The following SLC44A3 variants were observed in gnomAD, a reference collection of about 807,000 sequenced individuals.
SLC44A3 encodes the protein choline transporter-like protein 3.
SLC44A3 carries 74 observed loss-of-function variants against 75.4 expected under a neutral mutation model. That is an observed-to-expected ratio of 0.98 (90% CI 0.81 to 1.19). SLC44A3 has a LOEUF of 1.19. Ranked by LOEUF, SLC44A3 falls within the 50% of genes most tolerant of loss-of-function variation. SLC44A3 has a pLI of 0.00. For missense variants in SLC44A3, 700 were observed against 778.6 expected (o/e 0.90, Z 1.20); for synonymous variants, 310 against 296.9 (o/e 1.04, Z -0.45).
chr1:94,866,590 T>TC (rs956671535), intron 11 of SLC44A3, among the ~76,000 whole-genome samples: 7 of 152,168 alleles, frequency 4.6e-5, no homozygotes, highest in Non-Finnish European at 1.0e-4. Flanking sequence ...CTGAAAAGTG[T>TC]CCAGATCAAG....
chr1:94,881,323 A>G (rs563271367), intron 12 of SLC44A3, among the ~76,000 whole-genome samples: 2 of 152,290 alleles, frequency 1.3e-5, no homozygotes, highest in East Asian at 3.9e-4. Flanking sequence ...ACACATGAAA[A>G]ACATGAATGT....
rs1557796354 is a variant in SLC44A3, at chr1:94,824,590, C to T, written c.233C>T (p.Pro78Leu). Reference protein sequence around the residue: ...FGNMCGKKNSPVEGAPLSGQD... With the variant: ...FGNMCGKKNSLVEGAPLSGQD... ...AACATGTGTGGCAAGAAGAACTCCC[C>T]CGTGGAAGGGGCCCCTCTTTCAGGG... Residue 78 changes from proline to leucine, a missense_variant, in exon 3 of 15, where the codon CCC becomes CTC. Physicochemically the swap from Pro to Leu is moderately conservative, Grantham distance 98. Coordinates refer to ENST00000271227, the MANE Select transcript of SLC44A3 (RefSeq NM_001114106.3). 6.2e-7 allele frequency: 1 copy of T among 1,609,958 alleles called. No homozygotes were observed. Among genetic ancestry groups the T allele is most frequent in the East Asian group, 2.2e-5 (1 of 44,564 alleles).
intron 5 of SLC44A3, among the ~76,000 whole-genome samples, chr1:94,834,859 C>T (rs1662572528): frequency 6.6e-6 from 1 of 152,164 alleles, no homozygotes; most frequent in Admixed American, 6.5e-5. Context: ...GGCTTAGTGA[C>T]TCATTTCCAA....
At chr1:94,830,323 C>T (rs1182126919) in intron 5 of SLC44A3, among the ~76,000 whole-genome samples, 2 of 152,188 alleles carry the variant, frequency 1.3e-5, no homozygotes, top group African/African-American at 2.4e-5. Context: ...AGCAATTCTC[C>T]TGCCTCAGCC....
chr1:94,846,226 C>T (rs565441215), intron 9 of SLC44A3, among the ~76,000 whole-genome samples: 1 of 152,016 alleles, frequency 6.6e-6, no homozygotes. Context: ...TGCCTTGGTC[C>T]TGAAAAGACA....
chr1:94,839,850 C>A, intron 6 of SLC44A3, 98 bp from the exon 7 acceptor site: 1 of 822,460 alleles, frequency 1.2e-6, no homozygotes, highest in Non-Finnish European at 2.1e-6. Flanking sequence ...CAATCCTCAG[C>A]CGTCACTGTT....
At chr1:94,828,762 G>A (rs1457838464) in intron 5 of SLC44A3, among the ~76,000 whole-genome samples, 176 bp downstream of exon 5, 1 of 152,220 alleles carries the variant, frequency 6.6e-6, no homozygotes, top group East Asian at 1.9e-4. Context: ...TTTGCAGTAT[G>A]CCTATGGACA....
At chr1:94,885,224 C>CAAAAAAAAAAAAAAAAAA (rs60440950) in intron 12 of SLC44A3, among the ~76,000 whole-genome samples, 2 of 82,848 alleles carry the variant, frequency 2.4e-5, no homozygotes, top group African/African-American at 9.6e-5. Flanking sequence ...GACTCCCTCT[C>CAAAAAAAAAAAAAAAAAA]AAAAAAAAAA....
chr1:94,888,653 T>TGC, intron 12 of SLC44A3: 1 of 983,068 alleles, frequency 1.0e-6, no homozygotes, highest in Non-Finnish European at 1.2e-6. Context: ...TTTTTTTTTT[T>TGC]GCAGGAAATT....
intron 12 of SLC44A3, among the ~76,000 whole-genome samples, chr1:94,869,389 GAGTC>G (rs1392268253): frequency 1.3e-5 from 2 of 152,240 alleles, no homozygotes; most frequent in South Asian, 4.1e-4. Flanking sequence ...CTCCTGTAGT[GAGTC>G]AGTGGTGCAA....
chr1:94,868,441 C>T (rs1667403653), intron 12 of SLC44A3, among the ~76,000 whole-genome samples: 1 of 152,132 alleles, frequency 6.6e-6, no homozygotes, highest in South Asian at 2.1e-4. Context: ...TTTTTAGGCT[C>T]TTAAACTTGG....
chr1:94,827,677 ATGATG>A, intron 4 of SLC44A3, 34 bp downstream of exon 4: 1 of 1,610,806 alleles, frequency 6.2e-7, no homozygotes, highest in Non-Finnish European at 8.5e-7. Flanking sequence ...TCTTTTCCCC[ATGATG>A]GGGTAAGCTG....
At chr1:94,844,994 C>G (rs538175051) in intron 8 of SLC44A3, among the ~76,000 whole-genome samples, 3 of 152,220 alleles carry the variant, frequency 2.0e-5, no homozygotes, top group Admixed American at 1.3e-4. Context: ...ATTAGAAGAC[C>G]TTATTCTCAT....
chr1:94,842,724 C>T (rs1163453357), intron 8 of SLC44A3, among the ~76,000 whole-genome samples: 2 of 144,982 alleles, frequency 1.4e-5, no homozygotes, highest in Non-Finnish European at 2.9e-5. Flanking sequence ...GGCCCTGGGG[C>T]GGACCCCACA....
intron 9 of SLC44A3, among the ~76,000 whole-genome samples, chr1:94,851,232 T>C (rs1285298069): frequency 6.6e-6 from 1 of 152,204 alleles, no homozygotes; most frequent in Non-Finnish European, 1.5e-5. Context: ...TAGATATTTC[T>C]CCTCCATTTT....
chr1:94,850,457 G>A (rs540609402), intron 9 of SLC44A3, among the ~76,000 whole-genome samples: 1 of 152,320 alleles, frequency 6.6e-6, no homozygotes, highest in South Asian at 2.1e-4. Context: ...GATTTTGGCA[G>A]GGAGTGGACT....
At position 94,845,479 on chromosome 1, in the gene SLC44A3, G is replaced by T; in HGVS notation, c.1072+15G>T. 3.1e-6 allele frequency: 5 copies of T among 1,598,512 alleles called. No homozygotes were observed. The highest frequency in any genetic ancestry group is 4.3e-6 in the Non-Finnish European group (5 of 1,176,376). The stretch of plus-strand genomic sequence containing the variant: ...GGGAACTGCAGGTAAGGGACAGTGG[G>T]TGTGGGTTCCATCACCTTGGAGTCA... On this transcript the variant is annotated intron_variant, in intron 9 of 14. Coordinates refer to ENST00000271227, the MANE Select transcript of SLC44A3 (RefSeq NM_001114106.3).
chr1:94,868,926 G>A (rs528072977), intron 12 of SLC44A3, among the ~76,000 whole-genome samples: 1 of 152,344 alleles, frequency 6.6e-6, no homozygotes, highest in African/African-American at 2.4e-5. Context: ...ACACTGTGGG[G>A]ACCACCACAT....
At chr1:94,860,247 C>T (rs1374218740) in intron 10 of SLC44A3, among the ~76,000 whole-genome samples, 4 of 151,980 alleles carry the variant, frequency 2.6e-5, no homozygotes, top group African/African-American at 9.7e-5. Flanking sequence ...AGTGAGAAAA[C>T]AAGACTCTTG....
Sources: allele counts gnomAD v4.1 joint callset (sites outside exome capture counted in the v4.1 genomes callset), GRCh38; gene constraint gnomAD v4.1.1; transcripts MANE v1.5; gene names NCBI Gene and HGNC (gene_info 2026-07-23, HGNC 2026-07-21).